FRYL: variants seen among roughly 807,000 people sequenced by gnomAD.
FRYL encodes the protein FRY like transcription coactivator, also known as protein furry homolog-like.
In FRYL, 150 loss-of-function variants were observed where a neutral mutation model predicts 351.2. The ratio of observed to expected loss-of-function variants is 0.43; its 90% CI spans 0.37 to 0.49. FRYL has a LOEUF of 0.49. Among genes scored for constraint, FRYL ranks in the 20% least tolerant of loss-of-function variants. The pLI is 0.00. For synonymous variants in FRYL, 1,153 were observed against 1,257.1 expected (o/e 0.92, Z 1.75); for missense variants, 3,036 against 3,619.3 (o/e 0.84, Z 4.13).
rs181131399 is a variant in FRYL, at chr4:48,578,265, T to C, written c.2528+708A>G. 5.9e-5 allele frequency among the ~76,000 whole-genome samples: 9 copies of C among 152,254 alleles called. 1 individual carries two copies. Among genetic ancestry groups the C allele is most frequent in the Non-Finnish European group, 1.2e-4 (8 of 68,010 alleles). On this transcript the variant is annotated intron_variant, in intron 23 of 63. Transcript: ENST00000358350. ...AGTCAGGTTTGAAGAGCCTTTAATGTAGGCCTCCAGTGATAGGTCAATCCA... is the reference window on the plus strand; with the variant it reads ...AGTCAGGTTTGAAGAGCCTTTAATGCAGGCCTCCAGTGATAGGTCAATCCA...
intron 23 of FRYL, among the ~76,000 whole-genome samples, chr4:48,577,619 G>C (rs1190679696): frequency 6.6e-6 from 1 of 152,162 alleles, no homozygotes; most frequent in Non-Finnish European, 1.5e-5. Context: ...AAGAATGCTG[G>C]TAGGATATGG....
chr4:48,550,419 A>G, intron 38 of FRYL, 173 bp downstream of exon 38: 1 of 562,656 alleles, frequency 1.8e-6, no homozygotes, highest in Non-Finnish European at 3.1e-6. Context: ...ATTTCACCCA[A>G]TTACGTTGCT....
At chr4:48,726,040 CTCAGAATT>C (rs1253767579) in intron 1 of FRYL, among the ~76,000 whole-genome samples, 1 of 152,128 alleles carries the variant, frequency 6.6e-6, no homozygotes, top group Non-Finnish European at 1.5e-5. Flanking sequence ...TGGTGAAATT[CTCAGAATT>C]TCAGAGATAA....
intron 29 of FRYL, 57 bp downstream of exon 29, chr4:48,565,474 T>C: frequency 1.5e-6 from 2 of 1,368,216 alleles, no homozygotes; most frequent in Non-Finnish European, 2.0e-6. Flanking sequence ...ACTGAGAGAC[T>C]TAAAAATACT....
intron 47 of FRYL, among the ~76,000 whole-genome samples, chr4:48,537,465 T>C (rs1431151348): frequency 6.6e-6 from 1 of 152,250 alleles, no homozygotes; most frequent in East Asian, 1.9e-4. Context: ...TTTGAAATTC[T>C]GTGCTCTCCA....
At chr4:48,572,670 T>C (rs1738607463) in intron 26 of FRYL, among the ~76,000 whole-genome samples, 1 of 152,210 alleles carries the variant, frequency 6.6e-6, no homozygotes, top group African/African-American at 2.4e-5. Flanking sequence ...GAATTAAGGT[T>C]TTCATAACCA....
intron 7 of FRYL, among the ~76,000 whole-genome samples, chr4:48,617,097 T>C (rs777358996): frequency 5.9e-5 from 9 of 152,286 alleles, no homozygotes; most frequent in South Asian, 4.1e-4. Context: ...GTGAGATACA[T>C]ATAAATGTAT....
At chr4:48,734,956 CA>C (rs1771153112) in intron 1 of FRYL, among the ~76,000 whole-genome samples, 1 of 151,536 alleles carries the variant, frequency 6.6e-6, no homozygotes, top group African/African-American at 2.4e-5. Flanking sequence ...CAACAAAAGA[CA>C]AAATTGACAA....
chr4:48,598,062 C>T (rs949875660), intron 13 of FRYL, among the ~76,000 whole-genome samples: 1 of 152,110 alleles, frequency 6.6e-6, no homozygotes, highest in African/African-American at 2.4e-5. Flanking sequence ...TGTTTCTTCT[C>T]TTTTTTTCTA....
Position 48,565,515 on chromosome 4 carries a change from G to A in FRYL, c.3330+16C>T, listed in dbSNP as rs1736580365. On this transcript the variant is annotated intron_variant, in intron 29 of 63. Transcript: ENST00000358350. Reference sequence around the variant, plus strand: ...CTGCTCTTAAGAAAAAAGAAATCAGGTTTCTAAGTAAATACCTTTAACGCA... The same window carrying A: ...CTGCTCTTAAGAAAAAAGAAATCAGATTTCTAAGTAAATACCTTTAACGCA... The A allele has an allele frequency of 3.3e-6, 5 of 1,523,060 alleles. No homozygotes were observed. Among genetic ancestry groups the A allele is most frequent in the East Asian group, 2.4e-5 (1 of 42,256 alleles). The allele number at this position is 1,523,060 out of a possible 1,614,324, so 94.3% of individuals were successfully genotyped here. A position where few individuals can be genotyped will look rare whatever the true frequency, so the allele number is the denominator to read the frequency against.
chr4:48,603,847 T>C (rs1232232561), intron 11 of FRYL, among the ~76,000 whole-genome samples: 1 of 152,190 alleles, frequency 6.6e-6, no homozygotes, highest in East Asian at 1.9e-4. Context: ...AAGAATTTCT[T>C]GCCTTAGGAT....
chr4:48,685,626 A>G (rs892341002), intron 2 of FRYL, among the ~76,000 whole-genome samples: 3 of 152,238 alleles, frequency 2.0e-5, no homozygotes, highest in Non-Finnish European at 4.4e-5. Flanking sequence ...GTCATGGACC[A>G]TGAACTACTG....
intron 1 of FRYL, among the ~76,000 whole-genome samples, chr4:48,717,569 T>C (rs1769011692): frequency 6.6e-6 from 1 of 151,534 alleles, no homozygotes; most frequent in African/African-American, 2.4e-5. Flanking sequence ...GAAAAGGGGT[T>C]TGACTCTGTC....
At chr4:48,744,427 T>C (rs563422326) in intron 1 of FRYL, among the ~76,000 whole-genome samples, 2 of 152,340 alleles carry the variant, frequency 1.3e-5, no homozygotes, top group South Asian at 4.1e-4. Flanking sequence ...GAAAAAAATG[T>C]TAACTACTTC....
chr4:48,599,305 A>G (rs1313209863), intron 13 of FRYL, among the ~76,000 whole-genome samples: 1 of 152,206 alleles, frequency 6.6e-6, no homozygotes, highest in African/African-American at 2.4e-5. Context: ...AAATTGATAT[A>G]GATATAGGAA....
rs568487887 is a variant in FRYL, at chr4:48,663,700, G to A, written c.-81+20973C>T. On this transcript the variant is annotated intron_variant, in intron 3 of 63. Transcript: ENST00000358350. Reference sequence around the variant, plus strand: ...TGAGGCAGGAGAATGGCGTGAACCCGGGAGGCGGAGCTTGCAGTGAGCCGA... The same window carrying A: ...TGAGGCAGGAGAATGGCGTGAACCCAGGAGGCGGAGCTTGCAGTGAGCCGA... 3.3e-5 allele frequency among the ~76,000 whole-genome samples: 5 copies of A among 150,488 alleles called. No homozygotes were observed. In the South Asian group the frequency reaches 8.4e-4, roughly 25 times the overall value.
At chr4:48,583,138 C>G (rs973786214) in intron 19 of FRYL, among the ~76,000 whole-genome samples, 1 of 151,898 alleles carries the variant, frequency 6.6e-6, no homozygotes, top group Admixed American at 6.6e-5. Context: ...GGCAAGGACA[C>G]GATTTATCTC....
chr4:48,717,121 G>T (rs1475515085), intron 1 of FRYL, among the ~76,000 whole-genome samples: 1 of 116,566 alleles, frequency 8.6e-6, no homozygotes, highest in Non-Finnish European at 1.7e-5. Context: ...GGGGACTGTT[G>T]TGGGGTGGGG....
chr4:48,518,968 C>T (rs1315424231), intron 55 of FRYL, among the ~76,000 whole-genome samples: 1 of 152,068 alleles, frequency 6.6e-6, no homozygotes, highest in Non-Finnish European at 1.5e-5. Flanking sequence ...AGCCTAGTGC[C>T]TAGCACGAGG....
Sources: allele counts gnomAD v4.1 joint callset (sites outside exome capture counted in the v4.1 genomes callset), GRCh38; gene constraint gnomAD v4.1.1; transcripts MANE v1.5; gene names NCBI Gene and HGNC (gene_info 2026-07-23, HGNC 2026-07-21).